The following STPG2 variants were observed in gnomAD, a reference collection of about 807,000 sequenced individuals.
The protein encoded by STPG2 is sperm tail PG-rich repeat containing 2, also known as sperm-tail PG-rich repeat-containing protein 2.
In STPG2, 56 loss-of-function variants were observed where a neutral mutation model predicts 54.2. The observed-to-expected ratio is 1.03, with a 90% CI of 0.83 to 1.29. The LOEUF (loss-of-function observed/expected upper bound fraction) is 1.29. Among genes scored for constraint, STPG2 ranks in the 50% most tolerant of loss-of-function variants. The pLI, the probability that STPG2 is intolerant of heterozygous loss-of-function variation, is 0.00. For missense variants in STPG2, 596 were observed against 544.9 expected (o/e 1.09, Z -0.93); for synonymous variants, 200 against 181.8 (o/e 1.10, Z -0.81).
chr4:97,483,369 G>A (rs1224476113), intron 4 of STPG2, among the ~76,000 whole-genome samples: 1 of 151,698 alleles, frequency 6.6e-6, no homozygotes, highest in African/African-American at 2.4e-5. Context: ...TAAAGTAAAG[G>A]GGTAGAAAAA....
In STPG2 at chr4:98,126,487, T is replaced by C. The variant is rs565229864; in HGVS notation, c.387+1941A>G. ...ACAATCACTCACTGCCTCCTTTGGC[T>C]AGGGAAGGGAGCTCCCCTTGCCCCA... On this transcript the variant is annotated intron_variant, in intron 3 of 10. Coordinates refer to ENST00000295268, the MANE Select transcript of STPG2 (RefSeq NM_174952.3). 3.3e-5 allele frequency among the ~76,000 whole-genome samples: 5 copies of C among 152,284 alleles called. No individual in the cohort carries two copies. In the East Asian group the frequency reaches 9.7e-4, roughly 29 times the overall value.
chr4:97,522,533 C>T (rs1158245717), intron 4 of STPG2, among the ~76,000 whole-genome samples: 2 of 151,866 alleles, frequency 1.3e-5, no homozygotes, highest in South Asian at 2.1e-4. Flanking sequence ...ACTTAGCTAT[C>T]TGAACTCAAT....
At chr4:97,782,883 A>C (rs1411376227) in intron 9 of STPG2, among the ~76,000 whole-genome samples, 1 of 152,242 alleles carries the variant, frequency 6.6e-6, no homozygotes, top group Non-Finnish European at 1.5e-5. Flanking sequence ...CCATATGTAG[A>C]AAGTTGAAAC....
intron 8 of STPG2, among the ~76,000 whole-genome samples, chr4:97,919,635 C>G (rs1448567565): frequency 2.0e-5 from 3 of 151,720 alleles, no homozygotes; most frequent in African/African-American, 4.8e-5. Flanking sequence ...AGAAATAGTT[C>G]AATATTTATT....
At chr4:97,864,414 C>T (rs1729682762) in intron 8 of STPG2, among the ~76,000 whole-genome samples, 2 of 152,106 alleles carry the variant, frequency 1.3e-5, no homozygotes, top group Admixed American at 6.6e-5. Flanking sequence ...AGGAGAACTA[C>T]AAACCACTGC....
At chr4:97,551,146 C>T (rs1021334901) in intron 4 of STPG2, among the ~76,000 whole-genome samples, 7 of 151,988 alleles carry the variant, frequency 4.6e-5, no homozygotes, top group Admixed American at 6.6e-5. Flanking sequence ...CTGATTGGTG[C>T]GTTTACAAAC....
chr4:97,510,376 T>G (rs1730946048), intron 4 of STPG2, among the ~76,000 whole-genome samples: 1 of 152,094 alleles, frequency 6.6e-6, no homozygotes, highest in Admixed American at 6.6e-5. Context: ...ATTAGGACAG[T>G]AGAAGGAAAA....
At chr4:97,460,137 C>G (rs1418975175) in intron 4 of STPG2, among the ~76,000 whole-genome samples, 1 of 152,096 alleles carries the variant, frequency 6.6e-6, no homozygotes, top group Non-Finnish European at 1.5e-5. Flanking sequence ...TCCATCAACC[C>G]CCCACTAGTA....
chr4:97,892,742 A>G (rs977893388), intron 8 of STPG2, among the ~76,000 whole-genome samples: 4 of 152,182 alleles, frequency 2.6e-5, no homozygotes, highest in Non-Finnish European at 5.9e-5. Flanking sequence ...GCCTTTGCAT[A>G]TTTGGTCTCA....
At chr4:97,751,034 G>C (rs1185208157) in intron 9 of STPG2, among the ~76,000 whole-genome samples, 1 of 151,818 alleles carries the variant, frequency 6.6e-6, no homozygotes, top group Non-Finnish European at 1.5e-5. Context: ...CAGCAGGTCT[G>C]AGTTGCTCAA....
chr4:97,755,048 C>T (rs542471469), intron 9 of STPG2, among the ~76,000 whole-genome samples: 1 of 152,244 alleles, frequency 6.6e-6, no homozygotes, highest in East Asian at 1.9e-4. Flanking sequence ...AGAAAATAAA[C>T]TTAAATCAAG....
intron 4 of STPG2, among the ~76,000 whole-genome samples, chr4:97,454,340 C>T (rs1052574416): frequency 2.7e-5 from 4 of 150,064 alleles, no homozygotes; most frequent in East Asian, 2.0e-4. Context: ...GGTGAAACCC[C>T]GTCTCTACTA....
chr4:97,737,324 A>G (rs1009895072), intron 9 of STPG2, among the ~76,000 whole-genome samples: 2 of 152,216 alleles, frequency 1.3e-5, no homozygotes, highest in African/African-American at 4.8e-5. Flanking sequence ...CCAAAGGAAC[A>G]CAGTTCCTCA....
At chr4:97,805,419 C>A (rs1426151556) in intron 9 of STPG2, among the ~76,000 whole-genome samples, 1 of 152,086 alleles carries the variant, frequency 6.6e-6, no homozygotes, top group Non-Finnish European at 1.5e-5. Flanking sequence ...CCATGTTGGC[C>A]AGGCTGGTCT....
chr4:97,626,130 T>A (rs1734132298), intron 10 of STPG2, among the ~76,000 whole-genome samples: 1 of 152,228 alleles, frequency 6.6e-6, no homozygotes, highest in South Asian at 2.1e-4. Flanking sequence ...ATAACATATT[T>A]ACATGTGTCT....
intron 9 of STPG2, among the ~76,000 whole-genome samples, chr4:97,719,641 T>A (rs1724388257): frequency 6.6e-6 from 1 of 151,904 alleles, no homozygotes; most frequent in Non-Finnish European, 1.5e-5. Flanking sequence ...AGACTATAAT[T>A]TTCTCTGAAA....
At chr4:98,044,386 C>G (rs756387175) in intron 5 of STPG2, among the ~76,000 whole-genome samples, 1 of 152,126 alleles carries the variant, frequency 6.6e-6, no homozygotes, top group African/African-American at 2.4e-5. Flanking sequence ...GCTGGATAAG[C>G]GAAGTGCCAC....
At chr4:97,888,604 A>T (rs1194863321) in intron 8 of STPG2, among the ~76,000 whole-genome samples, 1 of 152,222 alleles carries the variant, frequency 6.6e-6, no homozygotes, top group Non-Finnish European at 1.5e-5. Flanking sequence ...ACAGGCTCAC[A>T]GGCAGAACAC....
At position 98,101,584 on chromosome 4, in the gene STPG2, C is replaced by T. The variant is rs1578854455; in HGVS notation, c.612+4369G>A. Among the ~76,000 whole-genome samples, 2 of 152,046 alleles carry T rather than the reference C, an allele frequency of 1.3e-5. 1 individual carries two copies. The highest frequency in any genetic ancestry group is 4.1e-4 in the South Asian group (2 of 4,822). ...CTGGCCAGTCATCAGAATCACCCAA[C>T]CTTAAATATAGCCCAGTACAACGCA... On this transcript the variant is annotated intron_variant, in intron 5 of 10. Transcript: ENST00000295268.
Sources: allele counts gnomAD v4.1 joint callset (sites outside exome capture counted in the v4.1 genomes callset), GRCh38; gene constraint gnomAD v4.1.1; transcripts MANE v1.5; gene names NCBI Gene and HGNC (gene_info 2026-07-23, HGNC 2026-07-21).